The following EPM2A variants were observed in gnomAD, a reference collection of about 807,000 sequenced individuals.
EPM2A encodes laforin.
A neutral mutation model predicts 26.5 loss-of-function variants in EPM2A; 21 were observed. The ratio of observed to expected loss-of-function variants is 0.79; its 90% CI spans 0.56 to 1.14. The LOEUF is 1.14. EPM2A is among the 50% of genes most tolerant of loss of function. EPM2A has a pLI of 0.00. For missense variants in EPM2A, 458 were observed against 440.8 expected, an observed-to-expected ratio of 1.04 and a Z score of -0.35; for synonymous variants, 217 against 177.6, an observed-to-expected ratio of 1.22 and a Z score of -1.76.
At chr6:145,616,603 T>C (rs12211884) in intron 2 of EPM2A, among the ~76,000 whole-genome samples, 69,043 of 152,044 alleles carry the variant, frequency 0.45, 16,258 homozygotes, top group African/African-American at 0.55. Flanking sequence ...AAGCTACAGA[T>C]ACTCAATGCC....
intron 4 of EPM2A, among the ~76,000 whole-genome samples, chr6:145,428,239 TTTAA>T (rs1367147888): frequency 3.3e-5 from 5 of 152,268 alleles, no homozygotes; most frequent in African/African-American, 1.2e-4. Flanking sequence ...ATTATTTGTA[TTTAA>T]TTATTATCTG....
chr6:145,627,756 T>C, intron 3 of EPM2A, 63 bp from the exon 4 acceptor site: 1 of 1,586,000 alleles, frequency 6.3e-7, no homozygotes, highest in Non-Finnish European at 8.6e-7. Flanking sequence ...GCCGCTGAGG[T>C]CTCCTCCAGC....
chr6:145,496,728 A>ATGTTTTTTTTTTG (rs779194973), downstream of EPM2A, among the ~76,000 whole-genome samples: 1 of 106,908 alleles, frequency 9.4e-6, no homozygotes, highest in African/African-American at 3.4e-5. Flanking sequence ...AGTTCCTGCA[A>ATGTTTTTTTTTTG]TTTTTTTTTT....
intron 2 of EPM2A, among the ~76,000 whole-genome samples, chr6:145,536,264 T>C (rs561903163): frequency 6.7e-6 from 1 of 148,172 alleles, no homozygotes; most frequent in Non-Finnish European, 1.5e-5. Flanking sequence ...TTTTTGTTTT[T>C]GTTTTTGTTT....
chr6:145,594,272 T>C (rs1451136825), intron 2 of EPM2A, among the ~76,000 whole-genome samples: 1 of 151,786 alleles, frequency 6.6e-6, no homozygotes, highest in Non-Finnish European at 1.5e-5. Context: ...ATTTAAAAAA[T>C]TAAATCAATA....
At chr6:145,466,655 A>G (rs530327552) in intron 4 of EPM2A, among the ~76,000 whole-genome samples, 1 of 152,300 alleles carries the variant, frequency 6.6e-6, no homozygotes, top group East Asian at 1.9e-4. Flanking sequence ...ATATACCCAA[A>G]GGACTATAAA....
chr6:145,413,033 T>G (rs901836276), intron 4 of EPM2A, among the ~76,000 whole-genome samples: 3 of 152,186 alleles, frequency 2.0e-5, no homozygotes, highest in Admixed American at 6.5e-5. Flanking sequence ...CAGGATTTGC[T>G]CTTTATGACA....
chr6:145,488,747 T>C (rs1462701528), intron 4 of EPM2A, among the ~76,000 whole-genome samples: 4 of 152,128 alleles, frequency 2.6e-5, no homozygotes, highest in Non-Finnish European at 5.9e-5. Flanking sequence ...TTTAAATACA[T>C]TAATTTTTAA....
At chr6:145,648,577 G>C (rs1777655336) in intron 2 of EPM2A, among the ~76,000 whole-genome samples, 1 of 152,226 alleles carries the variant, frequency 6.6e-6, no homozygotes, top group African/African-American at 2.4e-5. Flanking sequence ...TTCTAGAGCA[G>C]TGTTTCACAG....
At chr6:145,514,436 T>C (rs1780097317) in intron 2 of EPM2A, among the ~76,000 whole-genome samples, 1 of 152,138 alleles carries the variant, frequency 6.6e-6, no homozygotes, top group Admixed American at 6.6e-5. Context: ...CTGAGGGTAC[T>C]AGATCAGGAA....
At chr6:145,588,442 C>A (rs1326816330) in intron 2 of EPM2A, among the ~76,000 whole-genome samples, 1 of 152,098 alleles carries the variant, frequency 6.6e-6, no homozygotes, top group African/African-American at 2.4e-5. Context: ...TGAGAAATGT[C>A]CTTCAGAAAA....
chr6:145,469,311 G>A (rs1779441006), intron 4 of EPM2A, among the ~76,000 whole-genome samples: 1 of 152,062 alleles, frequency 6.6e-6, no homozygotes, highest in African/African-American at 2.4e-5. Context: ...CTTGACATGT[G>A]AGCATTATGG....
At chr6:145,438,768 G>A (rs1035648609) in intron 4 of EPM2A, among the ~76,000 whole-genome samples, 5 of 152,060 alleles carry the variant, frequency 3.3e-5, no homozygotes, top group East Asian at 1.9e-4. Context: ...CATTGCACTC[G>A]GCCAAGGATA....
At chr6:145,532,922 C>T (rs1024940722) in intron 2 of EPM2A, among the ~76,000 whole-genome samples, 1 of 152,106 alleles carries the variant, frequency 6.6e-6, no homozygotes, top group Non-Finnish European at 1.5e-5. Context: ...TCTAGTTAGT[C>T]GCTTACTTCA....
intron 2 of EPM2A, among the ~76,000 whole-genome samples, chr6:145,581,984 T>C (rs925109750): frequency 6.6e-6 from 1 of 152,158 alleles, no homozygotes; most frequent in African/African-American, 2.4e-5. Context: ...AAGATTTTTT[T>C]TGTATTTCTC....
intron 2 of EPM2A, among the ~76,000 whole-genome samples, chr6:145,662,801 T>G (rs888696266): frequency 2.6e-5 from 4 of 152,176 alleles, no homozygotes; most frequent in African/African-American, 9.7e-5. Context: ...TAAATTGACT[T>G]AGCTGGGTTC....
At chr6:145,595,605 A>C (rs1400979373) in intron 2 of EPM2A, among the ~76,000 whole-genome samples, 2 of 151,814 alleles carry the variant, frequency 1.3e-5, no homozygotes, top group Non-Finnish European at 2.9e-5. Context: ...TTTTTATTTC[A>C]TGGTTTCATT....
chr6:145,696,772 GGTAT>G lies in EPM2A; in HGVS notation c.302-10480_302-10477del, dbSNP rs1371348674. On this transcript the variant is annotated intron_variant, in intron 1 of 3. Coordinates refer to ENST00000367519, the MANE Select transcript of EPM2A (RefSeq NM_005670.4). ...GAATCAAACATCTGGCACAGGTAGGGGTATGTGTGTGTGTGTGTGTGTGTGTGTG... is the reference window on the plus strand; with the variant it reads ...GAATCAAACATCTGGCACAGGTAGGGGTGTGTGTGTGTGTGTGTGTGTGTG... 1.0e-3 allele frequency among the ~76,000 whole-genome samples: 112 copies of G among 110,794 alleles called. 1 individual carries two copies. Among genetic ancestry groups the G allele is most frequent in the East Asian group, 3.7e-3 (15 of 4,064 alleles). 72.7% of individuals were successfully genotyped at this position (110,794 alleles called of 152,430 possible). A position where few individuals can be genotyped will look rare whatever the true frequency, so the allele number is the denominator to read the frequency against.
intron 4 of EPM2A, among the ~76,000 whole-genome samples, chr6:145,391,950 C>T (rs902183104): frequency 2.6e-5 from 4 of 151,984 alleles, no homozygotes; most frequent in African/African-American, 7.2e-5. Flanking sequence ...TTCAGCTTAA[C>T]TCAGTGGGGT....
Sources: gnomAD v4.1 joint callset for allele counts (sites outside exome capture counted in the v4.1 genomes callset) on GRCh38, gnomAD v4.1.1 for gene constraint, MANE v1.5 for transcripts, NCBI Gene and HGNC (gene_info 2026-07-23, HGNC 2026-07-21) for gene names.